Variants in FSTL4 observed in about 807,000 individuals in gnomAD.
FSTL4 encodes the protein follistatin like 4, also known as follistatin-related protein 4.
Under a neutral mutation model 78.2 loss-of-function variants are expected in FSTL4, and 28 were observed. That is an observed-to-expected ratio of 0.36 (90% CI 0.27 to 0.49). The LOEUF (loss-of-function observed/expected upper bound fraction) is 0.49, where lower values mean the gene tolerates loss of function less well. Among genes scored for constraint, FSTL4 ranks in the 20% least tolerant of loss-of-function variants. FSTL4 has a pLI of 0.98. For synonymous variants in FSTL4, 422 were observed against 440.5 expected, an observed-to-expected ratio of 0.96 and a Z score of 0.53; for missense variants, 922 against 1,084.9, an observed-to-expected ratio of 0.85 and a Z score of 2.11.
the FSTL4 span, among the ~76,000 whole-genome samples, chr5:133,639,512 A>C: frequency 6.6e-6 from 1 of 152,280 alleles, no homozygotes; most frequent in Non-Finnish European, 1.5e-5. Flanking sequence ...CTTCCCTGAG[A>C]AGGGCCCTTG....
chr5:133,439,004 A>T (rs1054113188), intron 3 of FSTL4, among the ~76,000 whole-genome samples: 1 of 152,248 alleles, frequency 6.6e-6, no homozygotes, highest in African/African-American at 2.4e-5. Context: ...TAAAGCATGT[A>T]CCTGTGAAGT....
chr5:133,781,365 TTGTG>T, the FSTL4 span, among the ~76,000 whole-genome samples: 10,246 of 143,244 alleles, frequency 0.072, 413 homozygotes, highest in Middle Eastern at 0.11. Context: ...TGTTAAGCGG[TTGTG>T]TGTGTGTGTG....
chr5:133,252,047 G>A (rs1752263272), intron 6 of FSTL4: 1 of 152,360 alleles, frequency 6.6e-6, no homozygotes, highest in African/African-American at 2.4e-5. Flanking sequence ...TGGACACTCA[G>A]AAGCCAGCCG....
chr5:133,518,503 G>A (rs1486838070), intron 3 of FSTL4, among the ~76,000 whole-genome samples: 1 of 152,322 alleles, frequency 6.6e-6, no homozygotes, highest in Non-Finnish European at 1.5e-5. Flanking sequence ...AGGTGGGGAA[G>A]GGGGCAGCAT....
the FSTL4 span, among the ~76,000 whole-genome samples, chr5:133,680,962 C>G: frequency 2.0e-5 from 3 of 152,370 alleles, no homozygotes; most frequent in Admixed American, 2.0e-4. Flanking sequence ...CTGTGGGATT[C>G]TGGGGCCAGA....
intron 2 of FSTL4, among the ~76,000 whole-genome samples, chr5:133,589,627 A>G (rs1760582735): frequency 6.6e-6 from 1 of 152,046 alleles, no homozygotes; most frequent in Admixed American, 6.5e-5. Context: ...TCCCCACAGA[A>G]GGTCAAGAGG....
chr5:133,240,815 G>C (rs1751846034), intron 7 of FSTL4, among the ~76,000 whole-genome samples: 3 of 152,178 alleles, frequency 2.0e-5, no homozygotes, highest in Admixed American at 6.5e-5. Context: ...TACCTCCTGG[G>C]AAGCCCTGAG....
the FSTL4 span, among the ~76,000 whole-genome samples, chr5:133,793,118 G>A: frequency 2.6e-3 from 403 of 152,324 alleles, 3 homozygotes; most frequent in South Asian, 0.017. Flanking sequence ...AAAGAGCAGT[G>A]ACAACTGAGG....
intron 4 of FSTL4, among the ~76,000 whole-genome samples, chr5:133,382,748 T>A (rs1031237771): frequency 7.2e-5 from 11 of 152,164 alleles, no homozygotes; most frequent in African/African-American, 2.7e-4. Flanking sequence ...AACTAGTAGC[T>A]TGCACCATGT....
rs2127002398 is a variant in FSTL4, at chr5:133,440,178, A to G, written c.161-39192T>C. On this transcript the variant is annotated intron_variant, in intron 3 of 15. Transcript: ENST00000265342. This position sits in a 1 kb window ranked among gnomAD's most constrained non-coding sequence, Gnocchi z 4.1. The stretch of plus-strand genomic sequence containing the variant: ...AGCTCTGGAACCCGGGGCTACACCC[A>G]TTCACTGAATAATTTCTGGGCGCTG... Among the ~76,000 whole-genome samples, 1 of 152,304 alleles carries G rather than the reference A, an allele frequency of 6.6e-6. No homozygotes were observed. Among genetic ancestry groups the G allele is most frequent in the East Asian group, 1.9e-4 (1 of 5,172 alleles).
chr5:133,664,271 C>T, the FSTL4 span, among the ~76,000 whole-genome samples: 3 of 152,120 alleles, frequency 2.0e-5, no homozygotes, highest in African/African-American at 4.8e-5. Context: ...GGGCGGCAGA[C>T]CCTGATCTGG....
intron 6 of FSTL4, among the ~76,000 whole-genome samples, chr5:133,300,388 C>A (rs1390030388): frequency 6.6e-6 from 1 of 152,120 alleles, no homozygotes; most frequent in Non-Finnish European, 1.5e-5. Flanking sequence ...ACTTTTAGGC[C>A]CCGTTCCCCA....
intron 3 of FSTL4, among the ~76,000 whole-genome samples, chr5:133,544,342 C>T (rs2112922095): frequency 6.6e-6 from 1 of 151,964 alleles, no homozygotes; most frequent in South Asian, 2.1e-4. Context: ...GAAATGTCTC[C>T]ATTTTAAAAT....
chr5:133,480,710 C>A (rs1171285940), intron 3 of FSTL4, among the ~76,000 whole-genome samples: 1 of 152,086 alleles, frequency 6.6e-6, no homozygotes, highest in African/African-American at 2.4e-5. Flanking sequence ...TCTGGGCAGT[C>A]CCCTTGCAAT....
At chr5:133,387,439 C>T (rs981797881) in intron 4 of FSTL4, among the ~76,000 whole-genome samples, 4 of 152,146 alleles carry the variant, frequency 2.6e-5, no homozygotes, top group Non-Finnish European at 4.4e-5. Flanking sequence ...TTCCCATGAT[C>T]CTATCCACCC....
intron 6 of FSTL4, among the ~76,000 whole-genome samples, chr5:133,252,701 AG>A (rs1752290022): frequency 6.6e-6 from 1 of 152,136 alleles, no homozygotes; most frequent in Non-Finnish European, 1.5e-5. Flanking sequence ...TTTGGAACAT[AG>A]GACTGATGTG....
chr5:133,237,349 T>G (rs1751692936), intron 7 of FSTL4, among the ~76,000 whole-genome samples: 1 of 152,210 alleles, frequency 6.6e-6, no homozygotes, highest in Non-Finnish European at 1.5e-5. Context: ...ACTTGTGCTG[T>G]GCCTCCAACA....
chr5:133,305,857 T>G (rs2126882177), intron 6 of FSTL4, among the ~76,000 whole-genome samples: 1 of 152,350 alleles, frequency 6.6e-6, no homozygotes, highest in South Asian at 2.1e-4. Context: ...GTGGCCTGCC[T>G]CTTCCATGCC....
intron 3 of FSTL4, among the ~76,000 whole-genome samples, chr5:133,430,487 G>A (rs760614553): frequency 3.3e-5 from 5 of 152,174 alleles, no homozygotes; most frequent in Non-Finnish European, 7.3e-5. Context: ...ACTTGGGAGA[G>A]GAATAGCCAA....
Sources: gnomAD v4.1 joint callset for allele counts (sites outside exome capture counted in the v4.1 genomes callset) on GRCh38, gnomAD v4.1.1 for gene constraint, Gnocchi (gnomAD v3.1) non-coding constraint, MANE v1.5 for transcripts, NCBI Gene and HGNC (gene_info 2026-07-23, HGNC 2026-07-21) for gene names.